Variants in PRMT8 observed in about 807,000 individuals in gnomAD.
PRMT8 encodes protein arginine N-methyltransferase 8.
Under a neutral mutation model 47.1 loss-of-function variants are expected in PRMT8, and 7 were observed. The ratio of observed to expected loss-of-function variants is 0.15; its 90% CI spans 0.08 to 0.28. The LOEUF (loss-of-function observed/expected upper bound fraction) is 0.28. PRMT8 is among the 10% of genes least tolerant of loss of function. PRMT8 has a pLI of 1.00. For missense variants in PRMT8, 237 were observed against 505.4 expected (o/e 0.47, Z 5.09); for synonymous variants, 188 against 186.5 (o/e 1.01, Z -0.07).
chr12:3,527,576 T>A (rs895643666), intron 1 of PRMT8, among the ~76,000 whole-genome samples: 6 of 152,194 alleles, frequency 3.9e-5, no homozygotes, highest in African/African-American at 1.4e-4. Flanking sequence ...ATAGAAACCT[T>A]CAACGATATA....
At chr12:3,396,726 A>G (rs375166235) in intron 1 of PRMT8, among the ~76,000 whole-genome samples, 4 of 151,238 alleles carry the variant, frequency 2.6e-5, no homozygotes, top group African/African-American at 7.3e-5. Flanking sequence ...TCTTTGTGGC[A>G]TTCTCTGTAT....
chr12:3,485,025 G>A (rs1865309313), intron 1 of PRMT8, among the ~76,000 whole-genome samples: 1 of 152,160 alleles, frequency 6.6e-6, no homozygotes, highest in African/African-American at 2.4e-5. Flanking sequence ...GAAAGAGAGG[G>A]TGCACCTCAG....
chr12:3,413,015 T>G (rs1051667173), intron 1 of PRMT8, among the ~76,000 whole-genome samples: 1 of 152,188 alleles, frequency 6.6e-6, no homozygotes, highest in African/African-American at 2.4e-5. Flanking sequence ...CATTTTTGAG[T>G]TCTAAACATT....
At chr12:3,478,578 C>T (rs1865241786) in intron 1 of PRMT8, among the ~76,000 whole-genome samples, 1 of 152,194 alleles carries the variant, frequency 6.6e-6, no homozygotes, top group Non-Finnish European at 1.5e-5. Context: ...GCTTCTAAGG[C>T]AGCAGAGGAA....
chr12:3,382,195 C>T (rs529743378), intron 1 of PRMT8, among the ~76,000 whole-genome samples: 4 of 152,258 alleles, frequency 2.6e-5, no homozygotes, highest in African/African-American at 4.8e-5. Context: ...TATGAACAGT[C>T]GTGTACAGGT....
rs1866810843 is a variant in PRMT8 at position 3,569,671 on chromosome 12, C to A, written c.712+107C>A. On this transcript the variant is annotated intron_variant, in intron 6 of 9. Coordinates refer to ENST00000382622, the MANE Select transcript of PRMT8 (RefSeq NM_019854.5). This position sits in a 1 kb window ranked among gnomAD's most constrained non-coding sequence, Gnocchi z 8.2. ...GCAGTGACATGAACACCATTGCTGT[C>A]CCTGAAGAGGAGCTTATCTGGGACC... The A allele has an allele frequency of 3.4e-6, 3 of 893,536 alleles. No individual in the cohort carries two copies. The highest frequency in any genetic ancestry group is 1.8e-5 in the Admixed American group (1 of 55,084). 55.4% of individuals were successfully genotyped at this position (893,536 alleles called of 1,614,324 possible).
rs1209115291 is a variant in PRMT8, at chr12:3,583,340, C to T, written c.979+132C>T. ...TAGCTGGGTGACACCTATCAACCCT[C>T]TCCAGCCATGGAGGAACCATGCATC... On this transcript the variant is annotated intron_variant, in intron 8 of 9. Coordinates refer to ENST00000382622, the MANE Select transcript of PRMT8 (RefSeq NM_019854.5). This position sits in a 1 kb window ranked among gnomAD's most constrained non-coding sequence, Gnocchi z 4.7. 1.1e-5 allele frequency: 11 copies of T among 1,000,946 alleles called. No homozygotes were observed. The highest frequency in any genetic ancestry group is 1.6e-5 in the Non-Finnish European group (11 of 695,646). The allele number at this position is 1,000,946 out of a possible 1,614,324, so 62.0% of individuals were successfully genotyped here.
intron 4 of PRMT8, among the ~76,000 whole-genome samples, chr12:3,558,785 A>T (rs1182288296): frequency 6.6e-6 from 1 of 152,138 alleles, no homozygotes; most frequent in Non-Finnish European, 1.5e-5. Context: ...GGCTTGTCTC[A>T]TTACTGACAG....
chr12:3,486,800 T>G, upstream of PRMT8, among the ~76,000 whole-genome samples: 1 of 152,292 alleles, frequency 6.6e-6, no homozygotes, highest in African/African-American at 2.4e-5. Flanking sequence ...CTCCCAGATA[T>G]TGTTAAAGCA....
chr12:3,553,366 G>A, intron 3 of PRMT8: 1 of 512,650 alleles, frequency 2.0e-6, no homozygotes. Flanking sequence ...AGGAGCATGA[G>A]GTCTGCCAGC....
chr12:3,564,072 C>T lies in PRMT8; in HGVS notation c.482-4634C>T, dbSNP rs570718959. 1.2e-3 allele frequency among the ~76,000 whole-genome samples: 186 copies of T among 152,262 alleles called. No individual in the cohort carries two copies. Among genetic ancestry groups the T allele is most frequent in the Admixed American group, 2.2e-3 (33 of 15,294 alleles). On this transcript the variant is annotated intron_variant, in intron 4 of 9. Coordinates refer to ENST00000382622, the MANE Select transcript of PRMT8 (RefSeq NM_019854.5). This position sits in a 1 kb window ranked among gnomAD's most constrained non-coding sequence, Gnocchi z 4.0. ...AGACAACGAAGAGAAGGAATGCATACGCTGGAGGTGAGCCGGGCCCTCCGC... is the reference window on the plus strand; with the variant it reads ...AGACAACGAAGAGAAGGAATGCATATGCTGGAGGTGAGCCGGGCCCTCCGC...
chr12:3,397,565 C>A (rs551385738), intron 1 of PRMT8, among the ~76,000 whole-genome samples: 3 of 151,438 alleles, frequency 2.0e-5, no homozygotes, highest in Non-Finnish European at 4.4e-5. Context: ...GCAGTCTGCC[C>A]GTTCTCAGAT....
At chr12:3,511,143 C>T (rs1432414609) in intron 1 of PRMT8, among the ~76,000 whole-genome samples, 1 of 152,132 alleles carries the variant, frequency 6.6e-6, no homozygotes, top group Non-Finnish European at 1.5e-5. Context: ...TCACACTTTG[C>T]CTGTTATAAC....
chr12:3,588,103 G>T (rs1388464035), intron 8 of PRMT8, among the ~76,000 whole-genome samples: 7 of 152,304 alleles, frequency 4.6e-5, no homozygotes, highest in Middle Eastern at 3.4e-3. Flanking sequence ...GCAAGCCCTG[G>T]TTTTTTCAGG....
rs779806063 is a variant in PRMT8, at chr12:3,540,843, T to C, written c.261+52T>C. 2.6e-6 allele frequency: 4 copies of C among 1,558,842 alleles called. No individual in the cohort carries two copies. In the South Asian group the frequency reaches 3.5e-5, roughly 14 times the overall value. ...TGGGGCGAGGCTGACTCTGCTGTTCTGTTGTTTTCAGAGGCAGCATAGTGT... is the reference window on the plus strand; with the variant it reads ...TGGGGCGAGGCTGACTCTGCTGTTCCGTTGTTTTCAGAGGCAGCATAGTGT... On this transcript the variant is annotated intron_variant, in intron 2 of 9. Transcript: ENST00000382622.
At chr12:3,549,866 C>T in intron 2 of PRMT8, 70 bp from the exon 3 acceptor site, 1 of 1,568,964 alleles carries the variant, frequency 6.4e-7, no homozygotes, top group Non-Finnish European at 8.7e-7. Flanking sequence ...GGTCCAGGGG[C>T]TCATAGCCAT....
chr12:3,463,680 TC>T (rs1865062030), intron 1 of PRMT8: 1 of 152,184 alleles, frequency 6.6e-6, no homozygotes, highest in African/African-American at 2.4e-5. Context: ...CACTGTAACC[TC>T]CACCTCCTCT....
chr12:3,413,589 T>G (rs1864454171), intron 1 of PRMT8, among the ~76,000 whole-genome samples: 1 of 152,122 alleles, frequency 6.6e-6, no homozygotes, highest in Non-Finnish European at 1.5e-5. Context: ...AACAATGCCT[T>G]CTCCAGGACT....
In PRMT8 at chr12:3,453,623, C is replaced by T. The variant is rs779696802; in HGVS notation, c.48+72181C>T. 3.3e-5 allele frequency among the ~76,000 whole-genome samples: 5 copies of T among 152,154 alleles called. No individual in the cohort carries two copies. The highest frequency in any genetic ancestry group is 5.9e-5 in the Non-Finnish European group (4 of 68,020). On this transcript the variant is annotated intron_variant, in intron 1 of 9. Transcript: ENST00000452611. This position sits in a 1 kb window ranked among gnomAD's most constrained non-coding sequence, Gnocchi z 4.9. ...TGTCTGGGTCAGGAACTGGTGAGCG[C>T]GGTCAGGGGACACCCTTAGGAGAGG... is the stretch of plus-strand genomic sequence containing the variant.
Sources: allele counts gnomAD v4.1 joint callset (sites outside exome capture counted in the v4.1 genomes callset), GRCh38; gene constraint gnomAD v4.1.1; non-coding constraint Gnocchi (gnomAD v3.1); transcripts MANE v1.5; gene names NCBI Gene and HGNC (gene_info 2026-07-23, HGNC 2026-07-21).